The following RPS6KA5 variants were observed in gnomAD, a reference collection of about 807,000 sequenced individuals.
RPS6KA5 encodes the protein ribosomal protein S6 kinase alpha-5.
A neutral mutation model predicts 85.5 loss-of-function variants in RPS6KA5; 27 were observed. That is an observed-to-expected ratio of 0.32 (90% CI 0.23 to 0.44). The LOEUF is 0.44. Ranked by LOEUF, RPS6KA5 falls within the 20% of genes least tolerant of loss-of-function variation. RPS6KA5 has a pLI of 1.00. For missense variants in RPS6KA5, 811 were observed against 980.9 expected, an observed-to-expected ratio of 0.83 and a Z score of 2.31; for synonymous variants, 334 against 348.2, an observed-to-expected ratio of 0.96 and a Z score of 0.46.
intron 2 of RPS6KA5, among the ~76,000 whole-genome samples, chr14:90,982,714 C>T (rs748322467): frequency 3.9e-5 from 6 of 152,244 alleles, no homozygotes; most frequent in Non-Finnish European, 7.3e-5. Context: ...CGCAGTGGCT[C>T]ACGCCTCTAA....
intron 1 of RPS6KA5, among the ~76,000 whole-genome samples, chr14:91,049,826 A>G (rs2043002342): frequency 6.6e-6 from 1 of 152,208 alleles, no homozygotes; most frequent in Non-Finnish European, 1.5e-5. Context: ...TATATAGCCT[A>G]TTGTTCCAAG....
rs142251892 is a variant in RPS6KA5 at position 90,932,082 on chromosome 14, T to C, written c.619-8886A>G. Among the ~76,000 whole-genome samples, 755 of 152,310 alleles carry C rather than the reference T, an allele frequency of 5.0e-3. 4 individuals carry two copies. Among genetic ancestry groups the C allele is most frequent in the Non-Finnish European group, 6.7e-3 (455 of 68,022 alleles). Reference sequence around the variant, plus strand: ...CTACACATTGTTGGAGAAAACCATATAATCAGGTTGGCCGATTTTATTCAA... The same window carrying C: ...CTACACATTGTTGGAGAAAACCATACAATCAGGTTGGCCGATTTTATTCAA... On this transcript the variant is annotated intron_variant, in intron 5 of 16. Transcript: ENST00000614987.
chr14:90,995,427 A>G (rs1367063290), intron 2 of RPS6KA5, among the ~76,000 whole-genome samples: 1 of 152,206 alleles, frequency 6.6e-6, no homozygotes. Context: ...CTAAGCCAGA[A>G]AAGTTTCCCC....
intron 3 of RPS6KA5, among the ~76,000 whole-genome samples, chr14:90,949,077 T>C (rs890423275): frequency 2.0e-4 from 31 of 152,368 alleles, no homozygotes; most frequent in African/African-American, 6.7e-4. Context: ...CAAGGAGTTT[T>C]AATTATACCT....
chr14:90,973,649 CTG>C (rs1179609756), intron 3 of RPS6KA5, among the ~76,000 whole-genome samples: 1 of 151,530 alleles, frequency 6.6e-6, no homozygotes, highest in Non-Finnish European at 1.5e-5. Flanking sequence ...GAACGAAGGA[CTG>C]TGCAGGAATA....
chr14:90,909,660 AGC>A (rs1263364965), intron 7 of RPS6KA5, among the ~76,000 whole-genome samples: 1 of 152,234 alleles, frequency 6.6e-6, no homozygotes, highest in Non-Finnish European at 1.5e-5. Flanking sequence ...TTGATTGCCT[AGC>A]CACATATTAC....
At chr14:91,024,896 T>G (rs2041927813) in intron 1 of RPS6KA5, among the ~76,000 whole-genome samples, 3 of 152,156 alleles carry the variant, frequency 2.0e-5, no homozygotes, top group Admixed American at 2.0e-4. Flanking sequence ...TTTAAATTTT[T>G]TTTGAGACCA....
chr14:90,992,836 T>G (rs1340418944), intron 2 of RPS6KA5, among the ~76,000 whole-genome samples: 2 of 152,210 alleles, frequency 1.3e-5, no homozygotes, highest in Non-Finnish European at 2.9e-5. Context: ...TTCAATCAGT[T>G]TGGTAATTTA....
At chr14:91,042,672 A>C (rs904240104) in intron 1 of RPS6KA5, among the ~76,000 whole-genome samples, 1 of 152,138 alleles carries the variant, frequency 6.6e-6, no homozygotes, top group Admixed American at 6.6e-5. Context: ...CCAAATCTGC[A>C]AATGGACCTG....
In RPS6KA5 at chr14:90,863,721, C is replaced by T. The variant is rs1014015682; in HGVS notation, c.*8353G>A. ...CCTCTACATGTAAATCTATAAAACACTGGTGAGACAAATTAAATACCTAAG... is the reference window on the plus strand; with the variant it reads ...CCTCTACATGTAAATCTATAAAACATTGGTGAGACAAATTAAATACCTAAG... On this transcript the variant is annotated 3_prime_UTR_variant, in exon 17 of 17. Coordinates refer to ENST00000614987, the MANE Select transcript of RPS6KA5 (RefSeq NM_004755.4). 6.6e-6 allele frequency: 1 copy of T among 152,136 alleles called. No individual in the cohort carries two copies. Among genetic ancestry groups the T allele is most frequent in the East Asian group, 1.9e-4 (1 of 5,200 alleles). 9.4% of individuals were successfully genotyped at this position (152,136 alleles called of 1,614,324 possible).
chr14:90,916,683 A>T (rs915359585), intron 7 of RPS6KA5, among the ~76,000 whole-genome samples: 3 of 139,682 alleles, frequency 2.1e-5, no homozygotes, highest in African/African-American at 3.2e-5. Context: ...TTTCTGTCAC[A>T]CACACACACA....
intron 4 of RPS6KA5, among the ~76,000 whole-genome samples, chr14:90,943,842 TTTG>T (rs1230128154): frequency 6.6e-6 from 1 of 152,124 alleles, no homozygotes; most frequent in East Asian, 1.9e-4. Flanking sequence ...TTAGTTGTTT[TTTG>T]TTGTTGTTAT....
rs555846485 is a variant in RPS6KA5 at position 90,867,872 on chromosome 14, C to G, written c.*4202G>C. ...TTCATGAAACAGGGTGGACAACAGC[C>G]TTGTGTAGGGGAAGCATTTGGAATG... On this transcript the variant is annotated 3_prime_UTR_variant, in exon 17 of 17. Coordinates refer to ENST00000614987, the MANE Select transcript of RPS6KA5 (RefSeq NM_004755.4). 87 of 152,224 alleles carry G rather than the reference C, an allele frequency of 5.7e-4. No homozygotes were observed. Among genetic ancestry groups the G allele is most frequent in the African/African-American group, 2.1e-3 (87 of 41,542 alleles). 9.4% of individuals were successfully genotyped at this position (152,224 alleles called of 1,614,324 possible).
At chr14:90,984,130 G>A (rs1324836843) in intron 2 of RPS6KA5, among the ~76,000 whole-genome samples, 2 of 152,174 alleles carry the variant, frequency 1.3e-5, no homozygotes, top group African/African-American at 4.8e-5. Flanking sequence ...ACAGGCGTGA[G>A]CCACCACACT....
At chr14:90,920,555 A>G (rs1293134625) in intron 6 of RPS6KA5, among the ~76,000 whole-genome samples, 4 of 152,180 alleles carry the variant, frequency 2.6e-5, no homozygotes, top group Non-Finnish European at 4.4e-5. Flanking sequence ...TGATAATTTA[A>G]AAAATTTAAA....
At chr14:90,945,732 C>T (rs1240174498) in intron 4 of RPS6KA5, among the ~76,000 whole-genome samples, 5 of 152,114 alleles carry the variant, frequency 3.3e-5, no homozygotes, top group African/African-American at 1.2e-4. Flanking sequence ...ACCGGATTTT[C>T]GGACAAGCAC....
chr14:90,891,215 G>C (rs1478090436), intron 13 of RPS6KA5, among the ~76,000 whole-genome samples: 1 of 150,704 alleles, frequency 6.6e-6, no homozygotes, highest in Non-Finnish European at 1.5e-5. Context: ...ACATAGAGTA[G>C]GTGCTTTGGT....
intron 7 of RPS6KA5, among the ~76,000 whole-genome samples, chr14:90,912,693 C>T (rs937539575): frequency 1.3e-5 from 2 of 152,016 alleles, no homozygotes; most frequent in Non-Finnish European, 2.9e-5. Flanking sequence ...CTGAGTTCTT[C>T]CTTGATCCAC....
intron 1 of RPS6KA5, among the ~76,000 whole-genome samples, chr14:91,036,022 A>AGAAAGAAAC (rs996583689): frequency 1.3e-5 from 2 of 152,070 alleles, no homozygotes; most frequent in Admixed American, 6.5e-5. Flanking sequence ...CAAACAAAAA[A>AGAAAGAAAC]GAAAGAAACG....
Sources: gnomAD v4.1 joint callset for allele counts (sites outside exome capture counted in the v4.1 genomes callset) on GRCh38, gnomAD v4.1.1 for gene constraint, MANE v1.5 for transcripts, NCBI Gene and HGNC (gene_info 2026-07-23, HGNC 2026-07-21) for gene names.